The following RNF180 variants were observed in gnomAD, a reference collection of about 807,000 sequenced individuals.
The protein encoded by RNF180 is E3 ubiquitin-protein ligase RNF180.
A neutral mutation model predicts 59.2 loss-of-function variants in RNF180; 38 were observed. The ratio of observed to expected loss-of-function variants is 0.64; its 90% CI spans 0.50 to 0.84. RNF180 has a LOEUF of 0.84. Among genes scored for constraint, RNF180 ranks in the 40% least tolerant of loss-of-function variants. The pLI, the probability that RNF180 is intolerant of heterozygous loss-of-function variation, is 0.00. For missense variants in RNF180, 705 were observed against 700.9 expected (o/e 1.01, Z -0.07); for synonymous variants, 262 against 240.3 (o/e 1.09, Z -0.84).
At chr5:64,340,042 C>T (rs1745298289) in intron 7 of RNF180, among the ~76,000 whole-genome samples, 1 of 152,084 alleles carries the variant, frequency 6.6e-6, no homozygotes, top group Non-Finnish European at 1.5e-5. Flanking sequence ...CATTTTCAGG[C>T]ATTTAATCCT....
chr5:64,348,379 T>C (rs1313021399), intron 7 of RNF180, among the ~76,000 whole-genome samples: 2 of 152,118 alleles, frequency 1.3e-5, no homozygotes, highest in Non-Finnish European at 2.9e-5. Flanking sequence ...GTGAAACTTA[T>C]TCTTTCAAGT....
At chr5:64,205,958 G>A (rs950689852) in intron 2 of RNF180, among the ~76,000 whole-genome samples, 2 of 152,102 alleles carry the variant, frequency 1.3e-5, no homozygotes, top group African/African-American at 4.8e-5. Flanking sequence ...TGGAAGTCAA[G>A]GGACGAACAT....
intron 5 of RNF180, among the ~76,000 whole-genome samples, chr5:64,219,513 G>A (rs1034482013): frequency 3.3e-5 from 5 of 151,806 alleles, no homozygotes; most frequent in Non-Finnish European, 7.4e-5. Flanking sequence ...AAATAATGAG[G>A]ATAACATTTT....
At position 64,210,970 on chromosome 5, in the gene RNF180, A is replaced by T. The variant is rs193036168; in HGVS notation, c.136-1095A>T. Among the ~76,000 whole-genome samples the T allele has an allele frequency of 1.4e-4, 22 of 152,114 alleles. No individual in the cohort carries two copies. In the East Asian group the frequency reaches 4.3e-3, roughly 29 times the overall value. The stretch of plus-strand genomic sequence containing the variant: ...GTTCTGGGCTGGGAGTTTTAAGGAA[A>T]CCATGGAGAGTGAGGAGCTGGAAAA... On this transcript the variant is annotated intron_variant, in intron 2 of 7. Coordinates refer to ENST00000389100, the MANE Select transcript of RNF180 (RefSeq NM_001113561.2).
chr5:64,276,167 G>A lies in RNF180; in HGVS notation c.1228-49019G>A, dbSNP rs73103155. On this transcript the variant is annotated intron_variant, in intron 5 of 7. Coordinates refer to ENST00000389100, the MANE Select transcript of RNF180 (RefSeq NM_001113561.2). Reference sequence around the variant, plus strand: ...TCTATTATTTATGCTCAGAATCATGGGCTTCTGAAAATCAAAGGCCAAAAA... The same window carrying A: ...TCTATTATTTATGCTCAGAATCATGAGCTTCTGAAAATCAAAGGCCAAAAA... 4.9e-3 allele frequency among the ~76,000 whole-genome samples: 750 copies of A among 152,024 alleles called. 10 individuals carry two copies. Among genetic ancestry groups the A allele is most frequent in the African/African-American group, 0.017 (702 of 41,498 alleles).
chr5:64,367,311 C>G (rs192380212), intron 7 of RNF180, among the ~76,000 whole-genome samples: 1 of 151,524 alleles, frequency 6.6e-6, no homozygotes, highest in Admixed American at 6.6e-5. Context: ...AAAAAATACA[C>G]AGGATACCAC....
At chr5:64,259,983 C>CTGGA (rs1744229747) in intron 5 of RNF180, among the ~76,000 whole-genome samples, 1 of 152,034 alleles carries the variant, frequency 6.6e-6, no homozygotes, top group Admixed American at 6.6e-5. Flanking sequence ...AAATCTTTGA[C>CTGGA]TATCCTAATC....
At chr5:64,305,335 T>C (rs1464778736) in intron 5 of RNF180, among the ~76,000 whole-genome samples, 1 of 151,632 alleles carries the variant, frequency 6.6e-6, no homozygotes, top group Non-Finnish European at 1.5e-5. Flanking sequence ...CTGTTATCTT[T>C]AACTCTGGGG....
intron 1 of RNF180, among the ~76,000 whole-genome samples, chr5:64,179,221 A>G (rs1250730114): frequency 2.6e-5 from 4 of 152,198 alleles, no homozygotes; most frequent in African/African-American, 9.6e-5. Context: ...TTTTTTAAAT[A>G]AAATATTTCA....
chr5:64,172,250 C>T (rs894376991), intron 1 of RNF180, among the ~76,000 whole-genome samples: 1 of 152,158 alleles, frequency 6.6e-6, no homozygotes, highest in East Asian at 1.9e-4. Flanking sequence ...TGTGTGAGTA[C>T]TCCCCAGTGC....
intron 5 of RNF180, among the ~76,000 whole-genome samples, chr5:64,218,564 T>A (rs1294876659): frequency 6.6e-6 from 1 of 152,214 alleles, no homozygotes; most frequent in Non-Finnish European, 1.5e-5. Context: ...TTTTTTGACT[T>A]TCCATATAAA....
intron 7 of RNF180, among the ~76,000 whole-genome samples, chr5:64,336,236 T>C (rs958475855): frequency 3.3e-5 from 5 of 152,224 alleles, no homozygotes; most frequent in Non-Finnish European, 7.4e-5. Context: ...TCTGCACATA[T>C]ATTTTTAATT....
chr5:64,293,698 G>C (rs1361921881), intron 5 of RNF180, among the ~76,000 whole-genome samples: 2 of 151,842 alleles, frequency 1.3e-5, no homozygotes, highest in Non-Finnish European at 1.5e-5. Flanking sequence ...TTGGGTAATA[G>C]GTGATTTATT....
At chr5:64,188,871 A>G (rs941857721) in intron 1 of RNF180, among the ~76,000 whole-genome samples, 1 of 152,162 alleles carries the variant, frequency 6.6e-6, no homozygotes, top group Non-Finnish European at 1.5e-5. Context: ...GCCTGCCCCA[A>G]AATTCATATG....
At chr5:64,192,903 GTATATATATATATATATATATA>G (rs70983610) in intron 1 of RNF180, among the ~76,000 whole-genome samples, 10 of 93,890 alleles carry the variant, frequency 1.1e-4, no homozygotes, top group East Asian at 4.8e-4. Context: ...AGTGTGGCAT[GTATATATATATATATATATATA>G]TATATATATA....
At chr5:64,338,323 T>A (rs577572629) in intron 7 of RNF180, among the ~76,000 whole-genome samples, 27 of 152,272 alleles carry the variant, frequency 1.8e-4, no homozygotes, top group Non-Finnish European at 3.4e-4. Context: ...AAAGTAATCA[T>A]AGCATCCTGA....
Position 64,195,747 on chromosome 5 carries a change from A to G in RNF180, c.1-5061A>G, listed in dbSNP as rs527881473. On this transcript the variant is annotated intron_variant, in intron 1 of 7. Coordinates refer to ENST00000389100, the MANE Select transcript of RNF180 (RefSeq NM_001113561.2). ...AAATCAAGACATGTAAGAAAATAAG[A>G]TCAATATTCACCCAGTTATTCTAGT... 5.9e-5 allele frequency among the ~76,000 whole-genome samples: 9 copies of G among 152,334 alleles called. No homozygotes were observed. In the South Asian group the frequency reaches 1.9e-3, roughly 32 times the overall value.
chr5:64,173,916 A>G (rs1238058876), intron 1 of RNF180, among the ~76,000 whole-genome samples: 3 of 152,018 alleles, frequency 2.0e-5, no homozygotes. Flanking sequence ...GGGTTTCACC[A>G]TCTTGGTCAG....
chr5:64,188,670 C>T (rs1021087746), intron 1 of RNF180, among the ~76,000 whole-genome samples: 1 of 152,058 alleles, frequency 6.6e-6, no homozygotes, highest in Non-Finnish European at 1.5e-5. Flanking sequence ...ATTTTTCTTT[C>T]TTGTTCACTA....
Sources: gnomAD v4.1 joint callset for allele counts (sites outside exome capture counted in the v4.1 genomes callset) on GRCh38, gnomAD v4.1.1 for gene constraint, MANE v1.5 for transcripts, NCBI Gene and HGNC (gene_info 2026-07-23, HGNC 2026-07-21) for gene names.